The following HDX variants were observed in gnomAD, a reference collection of about 807,000 sequenced individuals.
HDX encodes chromosome X open reading frame 43.
HDX carries 19 observed loss-of-function variants against 45.2 expected under a neutral mutation model. That is an observed-to-expected ratio of 0.42 (90% CI 0.29 to 0.62). The LOEUF is 0.62. Among genes scored for constraint, HDX ranks in the 20% least tolerant of loss-of-function variants. The probability of loss-of-function intolerance (pLI) is 0.20; values close to 1 mark genes in which losing one functional copy is unlikely to be tolerated. For missense variants in HDX, 532 were observed against 493.9 expected (o/e 1.08, Z -0.73); for synonymous variants, 188 against 172.8 (o/e 1.09, Z -0.69).
intron 5 of HDX, among the ~76,000 whole-genome samples, chrX:84,398,188 A>G (rs978645932): frequency 9.0e-6 from 1 of 111,211 alleles, no homozygotes; most frequent in Non-Finnish European, 1.9e-5. Flanking sequence ...AAATAACCAG[A>G]TAGCATCATG....
chrX:84,353,955 T>C (rs1006255744), intron 6 of HDX, among the ~76,000 whole-genome samples: 3 of 111,807 alleles, frequency 2.7e-5, no homozygotes, highest in Non-Finnish European at 3.8e-5. Context: ...CTTCAGATCT[T>C]CTTCACCCTG....
chrX:84,447,632 T>C (rs778913552), intron 4 of HDX, among the ~76,000 whole-genome samples: 1 of 110,924 alleles, frequency 9.0e-6, no homozygotes, highest in Admixed American at 9.6e-5. Flanking sequence ...AGATGCCACT[T>C]TGAGAGGCCA....
At chrX:84,387,656 T>C (rs892701303) in intron 5 of HDX, among the ~76,000 whole-genome samples, 1 of 112,119 alleles carries the variant, frequency 8.9e-6, no homozygotes, top group African/African-American at 3.2e-5. Flanking sequence ...TCATTTTTTT[T>C]CTGTTTTCAT....
intron 6 of HDX, among the ~76,000 whole-genome samples, chrX:84,346,115 A>C (rs982398112): frequency 4.5e-5 from 5 of 111,351 alleles, no homozygotes; most frequent in African/African-American, 1.6e-4. Context: ...TGCTCAAAAA[A>C]AGGATATTAA....
In HDX at chrX:84,468,855, C is replaced by G. The variant is rs765515302; in HGVS notation, c.868G>C (p.Glu290Gln). 2 of 1,209,813 alleles carry G rather than the reference C, an allele frequency of 1.7e-6. No homozygotes were observed. Among genetic ancestry groups the G allele is most frequent in the African/African-American group, 3.5e-5 (2 of 57,171 alleles). The change falls in exon 4 of 11, where the codon GAA becomes CAA. Residue 290 changes from glutamate (E) to glutamine (Q), a missense_variant. Physicochemically the swap from Glu to Gln is conservative, Grantham distance 29. This residue lies in a region of HDX where 376 missense variants were observed against 343.7 expected (regional missense o/e 1.09). Coordinates refer to ENST00000373177, the MANE Select transcript of HDX (RefSeq NM_001177479.2). ...ATTGCAATGGACAAACAATTTCCTT[C>G]TGCTGAGCTAGGCTTCTGTGGGGCA... ...GNAPQKPSSAEGNCLSIAMET... is the reference protein window; with the variant it reads ...GNAPQKPSSAQGNCLSIAMET...
At chrX:84,330,286 G>A (rs2036818379) in intron 9 of HDX, among the ~76,000 whole-genome samples, 1 of 111,343 alleles carries the variant, frequency 9.0e-6, no homozygotes, top group Non-Finnish European at 1.9e-5. Context: ...TTTGCATCTG[G>A]CAAACTGGTC....
chrX:84,473,743 C>A lies in HDX; in HGVS notation c.147+1508G>T, dbSNP rs200947007. ...TTTCACAATGCAGCTGCCTGGCAAG[C>A]GTTTTCATTTTAAGGTAATGACAAG... On this transcript the variant is annotated intron_variant, in intron 3 of 10. Transcript: ENST00000373177. Among the ~76,000 whole-genome samples, 30 of 106,663 alleles carry A rather than the reference C, an allele frequency of 2.8e-4. No individual in the cohort carries two copies. In the East Asian group the frequency reaches 8.5e-3, roughly 30 times the overall value. 92.6% of individuals were successfully genotyped at this position (106,663 alleles called of 115,157 possible).
At chrX:84,423,927 T>C (rs61710472) in intron 5 of HDX, among the ~76,000 whole-genome samples, 12,629 of 110,851 alleles carry the variant, frequency 0.11, 625 homozygotes, top group South Asian at 0.28. Context: ...AGATATCTAG[T>C]ATCACCATTG....
At chrX:84,339,360 G>C (rs756849137) in intron 7 of HDX, among the ~76,000 whole-genome samples, 1 of 111,310 alleles carries the variant, frequency 9.0e-6, no homozygotes, top group South Asian at 3.7e-4. Context: ...CCTCAGAAGA[G>C]AGTTTATATT....
chrX:84,386,918 T>C (rs2038333859), intron 5 of HDX, among the ~76,000 whole-genome samples: 1 of 111,364 alleles, frequency 9.0e-6, no homozygotes, highest in Non-Finnish European at 1.9e-5. Context: ...TTTCCCTAGT[T>C]CCTTTAGTTG....
intron 6 of HDX, among the ~76,000 whole-genome samples, chrX:84,351,093 C>A (rs1417946619): frequency 9.1e-6 from 1 of 109,574 alleles, no homozygotes; most frequent in African/African-American, 3.3e-5. Context: ...AGGGTAAATT[C>A]CAGGTTGTCC....
At chrX:84,384,468 G>T (rs915947358) in intron 5 of HDX, among the ~76,000 whole-genome samples, 2 of 109,107 alleles carry the variant, frequency 1.8e-5, no homozygotes, top group Non-Finnish European at 3.8e-5. Flanking sequence ...CCCATTCTGT[G>T]GGTTGTCTGT....
At chrX:84,428,798 G>A (rs2039441353) in intron 5 of HDX, among the ~76,000 whole-genome samples, 1 of 110,486 alleles carries the variant, frequency 9.1e-6, no homozygotes, top group Non-Finnish European at 1.9e-5. Context: ...AGCCAAAAGT[G>A]GCAATTTTTT....
chrX:84,377,171 C>T (rs947749059), intron 5 of HDX, among the ~76,000 whole-genome samples: 20 of 112,249 alleles, frequency 1.8e-4, no homozygotes, highest in African/African-American at 6.5e-4. Context: ...TCTGGATCTG[C>T]AAGAATCACA....
chrX:84,457,416 T>G (rs754981467), intron 4 of HDX, among the ~76,000 whole-genome samples: 1 of 112,092 alleles, frequency 8.9e-6, no homozygotes, highest in African/African-American at 3.2e-5. Flanking sequence ...GTACTCCATA[T>G]GTTTATAATA....
chrX:84,446,222 T>C (rs1003342485), intron 4 of HDX, among the ~76,000 whole-genome samples: 16 of 112,118 alleles, frequency 1.4e-4, no homozygotes, highest in African/African-American at 5.2e-4. Flanking sequence ...TAGCATATTG[T>C]AAATAAAATA....
At chrX:84,383,167 G>A (rs1320796402) in intron 5 of HDX, among the ~76,000 whole-genome samples, 3 of 110,621 alleles carry the variant, frequency 2.7e-5, no homozygotes, top group Non-Finnish European at 3.8e-5. Context: ...CCACCAATAC[G>A]GGGTGAAAAA....
intron 1 of HDX, among the ~76,000 whole-genome samples, chrX:84,500,876 G>T (rs1196069944): frequency 9.0e-6 from 1 of 111,400 alleles, no homozygotes; most frequent in Non-Finnish European, 1.9e-5. Context: ...AAGGGGCCAA[G>T]AATATGTTGG....
Position 84,401,212 on chromosome X carries a change from T to G in HDX, c.1305+39320A>C, listed in dbSNP as rs777949788. The stretch of plus-strand genomic sequence containing the variant: ...GCCAAAATTGACAAATGAGATCTAA[T>G]TAAACTAAAGAGTTTCTGCACAGCA... On this transcript the variant is annotated intron_variant, in intron 5 of 10. Transcript: ENST00000373177. Among the ~76,000 whole-genome samples the G allele has an allele frequency of 1.2e-4, 13 of 112,211 alleles. No homozygotes were observed. In the East Asian group the frequency reaches 3.4e-3, roughly 29 times the overall value.
Sources: allele counts gnomAD v4.1 joint callset (sites outside exome capture counted in the v4.1 genomes callset), GRCh38; gene constraint gnomAD v4.1.1; regional missense constraint gnomAD v4.1.1; transcripts MANE v1.5; gene names NCBI Gene and HGNC (gene_info 2026-07-23, HGNC 2026-07-21).